Variants in ZC3H3 observed in about 807,000 individuals in gnomAD.
ZC3H3 encodes the protein zinc finger CCCH domain-containing protein 3.
A neutral mutation model predicts 77.3 loss-of-function variants in ZC3H3; 36 were observed. The ratio of observed to expected loss-of-function variants is 0.47; its 90% CI spans 0.36 to 0.61. The LOEUF (loss-of-function observed/expected upper bound fraction) is 0.61. Among genes scored for constraint, ZC3H3 ranks in the 20% least tolerant of loss-of-function variants. The pLI is 0.00. For synonymous variants in ZC3H3, 626 were observed against 555.2 expected, an observed-to-expected ratio of 1.13 and a Z score of -1.79; for missense variants, 1,331 against 1,312.2, an observed-to-expected ratio of 1.01 and a Z score of -0.22.
chr8:143,469,857 A>G (rs973697183), intron 5 of ZC3H3, among the ~76,000 whole-genome samples: 2 of 152,228 alleles, frequency 1.3e-5, no homozygotes, highest in Non-Finnish European at 2.9e-5. Context: ...GACCAGATCC[A>G]ATTTCCTACA....
chr8:143,472,113 C>T (rs575745436), intron 5 of ZC3H3, among the ~76,000 whole-genome samples: 3 of 152,374 alleles, frequency 2.0e-5, no homozygotes, highest in Admixed American at 2.0e-4. Context: ...CAAGGAGGCC[C>T]CTGGACCCCT....
At position 143,500,924 on chromosome 8, in the gene ZC3H3, G is replaced by A. The variant is rs138953436; in HGVS notation, c.1715+6822C>T. 8.7e-5 allele frequency among the ~76,000 whole-genome samples: 13 copies of A among 149,606 alleles called. No individual in the cohort carries two copies. In the East Asian group the frequency reaches 2.6e-3, roughly 30 times the overall value. On this transcript the variant is annotated intron_variant, in intron 4 of 11. Transcript: ENST00000262577. ...TGCATCTGGGTTCAAGCGGTTCTCC[G>A]GCCTCAGCCTCCCAAGTAACTGAGA...
intron 9 of ZC3H3, among the ~76,000 whole-genome samples, chr8:143,441,520 G>T (rs1358755137): frequency 6.6e-6 from 1 of 152,184 alleles, no homozygotes; most frequent in Non-Finnish European, 1.5e-5. Context: ...GAGACCTGGG[G>T]GTCTTAGGCT....
chr8:143,445,418 T>A (rs1245850371), intron 9 of ZC3H3, among the ~76,000 whole-genome samples: 1 of 11,460 alleles, frequency 8.7e-5, no homozygotes, highest in Non-Finnish European at 1.6e-4. Flanking sequence ...AGAACCTTAT[T>A]AAAACACATT....
intron 9 of ZC3H3, among the ~76,000 whole-genome samples, chr8:143,461,810 C>T (rs1309104915): frequency 6.6e-6 from 1 of 151,566 alleles, no homozygotes; most frequent in Non-Finnish European, 1.5e-5. Context: ...TGTTAGGGGC[C>T]GGGACTGATG....
intron 6 of ZC3H3, 35 bp downstream of exon 6, chr8:143,468,582 G>C: frequency 1.3e-6 from 2 of 1,588,986 alleles, no homozygotes; most frequent in South Asian, 1.1e-5. Flanking sequence ...AGGGCGAGCA[G>C]GGAGCCCACC....
At position 143,538,614 on chromosome 8, in the gene ZC3H3, G is replaced by C; in HGVS notation, c.753C>G (p.Ser251=). 1 of 1,609,564 alleles carries C rather than the reference G, an allele frequency of 6.2e-7. No homozygotes were observed. The highest frequency in any genetic ancestry group is 8.5e-7 in the Non-Finnish European group (1 of 1,179,996). The part of the protein sequence containing the change: ...VALGRKLGSH[S]VASCAPQLLG... ...GGAGCTGTGGAGCACAGCTGGCCAC[G>C]GAATGAGAACCCAGCTTCCGGCCCA... The change falls in exon 2 of 12, where the codon TCC becomes TCG. Residue 251 remains serine, a synonymous_variant. Coordinates refer to ENST00000262577, the MANE Select transcript of ZC3H3 (RefSeq NM_015117.3).
chr8:143,441,099 G>T lies in ZC3H3; in HGVS notation c.2329C>A (p.Leu777Met). ...GAKCKKKHTL[L>M]CPDFARRGAC... ...CCCCTGCGGGCAAAGTCGGGGCACA[G>T]CAGCGTGTGTTTCTTCTTGCACTGC... The change falls in exon 10 of 12, where the codon CTG (leucine) becomes ATG (methionine). Residue 777 changes from leucine to methionine, a missense_variant. By Grantham distance (15) the Leu-to-Met change is conservative. Coordinates refer to ENST00000262577, the MANE Select transcript of ZC3H3 (RefSeq NM_015117.3). 6.9e-7 allele frequency: 1 copy of T among 1,452,132 alleles called. No homozygotes were observed. 90.0% of individuals were successfully genotyped at this position (1,452,132 alleles called of 1,614,324 possible). A position where few individuals can be genotyped will look rare whatever the true frequency, so the allele number is the denominator to read the frequency against.
chr8:143,441,912 A>G (rs1819752210), intron 9 of ZC3H3, among the ~76,000 whole-genome samples: 1 of 152,180 alleles, frequency 6.6e-6, no homozygotes, highest in Non-Finnish European at 1.5e-5. Flanking sequence ...TGGGGCACCC[A>G]AACTGCTCTT....
chr8:143,490,445 C>G (rs1220738279), intron 4 of ZC3H3, among the ~76,000 whole-genome samples: 1 of 152,210 alleles, frequency 6.6e-6, no homozygotes, highest in Non-Finnish European at 1.5e-5. Context: ...GCCCAGAGAC[C>G]ACCCGGGCCC....
rs188624181 is a variant in ZC3H3 at position 143,528,660 on chromosome 8, G to A, written c.1561+7597C>T. ...GCACATCTCAAAGGGGCAGGACAGC[G>A]TCAGGGCAGGGAGCCCTGTGTGGCT... On this transcript the variant is annotated intron_variant, in intron 3 of 11. Coordinates refer to ENST00000262577, the MANE Select transcript of ZC3H3 (RefSeq NM_015117.3). 1.9e-4 allele frequency among the ~76,000 whole-genome samples: 29 copies of A among 152,314 alleles called. No individual in the cohort carries two copies. The East Asian group carries it at 3.1e-3, about 16-fold the overall frequency.
At chr8:143,520,156 T>C (rs1167227052) in intron 3 of ZC3H3, among the ~76,000 whole-genome samples, 1 of 152,160 alleles carries the variant, frequency 6.6e-6, no homozygotes, top group Non-Finnish European at 1.5e-5. Flanking sequence ...CCTGGATGCA[T>C]GGCCAGCATC....
chr8:143,497,528 GCC>G (rs1310681347), intron 4 of ZC3H3, among the ~76,000 whole-genome samples: 3 of 152,242 alleles, frequency 2.0e-5, no homozygotes, highest in African/African-American at 7.2e-5. Flanking sequence ...AGCACCGCCT[GCC>G]CCTGTCCCAT....
chr8:143,537,827 G>GGGCCCC (rs2130520314), intron 2 of ZC3H3, among the ~76,000 whole-genome samples, 176 bp downstream of exon 2: 1 of 151,826 alleles, frequency 6.6e-6, no homozygotes, highest in East Asian at 2.0e-4. Context: ...ATGCCGGCCA[G>GGGCCCC]GGCCCCGGCC....
At chr8:143,467,170 G>T (rs1402766162) in intron 8 of ZC3H3, among the ~76,000 whole-genome samples, 1 of 152,184 alleles carries the variant, frequency 6.6e-6, no homozygotes. Context: ...TGTGGTTTTT[G>T]ATATAGAGCC....
At chr8:143,517,087 G>A (rs978455105) in intron 3 of ZC3H3, among the ~76,000 whole-genome samples, 1 of 152,224 alleles carries the variant, frequency 6.6e-6, no homozygotes, top group Non-Finnish European at 1.5e-5. Context: ...CCTATTAAAG[G>A]GAAGATTGAG....
At chr8:143,537,728 GC>G (rs1211744348) in intron 2 of ZC3H3, among the ~76,000 whole-genome samples, 1 of 152,228 alleles carries the variant, frequency 6.6e-6, no homozygotes. Context: ...AACGGAAGCT[GC>G]CCCCAGCGAG....
chr8:143,513,475 A>G (rs1821935945), intron 3 of ZC3H3, among the ~76,000 whole-genome samples: 1 of 152,116 alleles, frequency 6.6e-6, no homozygotes, highest in Non-Finnish European at 1.5e-5. Context: ...GGAGACTCTC[A>G]GGCACAAGGA....
At chr8:143,520,787 A>G (rs1389986864) in intron 3 of ZC3H3, among the ~76,000 whole-genome samples, 1 of 152,124 alleles carries the variant, frequency 6.6e-6, no homozygotes, top group East Asian at 1.9e-4. Flanking sequence ...CTTCTGCCCC[A>G]TGGGACAGAA....
Sources: allele counts gnomAD v4.1 joint callset (sites outside exome capture counted in the v4.1 genomes callset), GRCh38; gene constraint gnomAD v4.1.1; transcripts MANE v1.5; gene names NCBI Gene and HGNC (gene_info 2026-07-23, HGNC 2026-07-21).